The following UBR2 variants were observed in gnomAD, a reference collection of about 807,000 sequenced individuals.
The protein encoded by UBR2 is E3 ubiquitin-protein ligase UBR2.
A neutral mutation model predicts 247.9 loss-of-function variants in UBR2; 92 were observed. The ratio of observed to expected loss-of-function variants is 0.37; its 90% CI spans 0.31 to 0.44. UBR2 has a LOEUF of 0.44. UBR2 is among the 20% of genes least tolerant of loss of function. The pLI, the probability that UBR2 is intolerant of heterozygous loss-of-function variation, is 1.00. For synonymous variants in UBR2, 672 were observed against 693.5 expected, an observed-to-expected ratio of 0.97 and a Z score of 0.49; for missense variants, 1,613 against 2,112.6, an observed-to-expected ratio of 0.76 and a Z score of 4.64.
intron 21 of UBR2, 104 bp from the exon 22 acceptor site, chr6:42,648,014 G>GTATC (rs979237446): frequency 1.3e-6 from 1 of 778,108 alleles, no homozygotes; most frequent in African/African-American, 1.8e-5. Context: ...GAGATAAGGT[G>GTATC]TATCTACCTT....
At chr6:42,645,656 A>G (rs1044241779) in intron 21 of UBR2, 66 bp downstream of exon 21, 10 of 1,523,420 alleles carry the variant, frequency 6.6e-6, no homozygotes, top group Non-Finnish European at 8.1e-6. Flanking sequence ...TCTAGTATCT[A>G]TAGATTTACT....
intron 7 of UBR2, among the ~76,000 whole-genome samples, chr6:42,607,677 G>A (rs192850480): frequency 0.027 from 666 of 24,306 alleles, 42 homozygotes; most frequent in Non-Finnish European, 0.048. Context: ...ACCACTCCCA[G>A]CTGGGAGGAC....
chr6:42,602,752 C>CTGTGTG (rs1200686500), intron 4 of UBR2, among the ~76,000 whole-genome samples: 29 of 122,526 alleles, frequency 2.4e-4, no homozygotes, highest in African/African-American at 8.7e-4. Context: ...TATTTTTATG[C>CTGTGTG]TGTGTGTGCG....
intron 43 of UBR2, among the ~76,000 whole-genome samples, chr6:42,684,508 C>T (rs570838664): frequency 3.3e-5 from 5 of 151,188 alleles, no homozygotes; most frequent in South Asian, 2.1e-4. Context: ...AGCATGAACC[C>T]GGGAGGCGGA....
In UBR2 at chr6:42,689,731, C is replaced by T. The variant is rs1466682954; in HGVS notation, c.5126+61C>T. ...TGCAGCGCCCTTCCGTATGTGGTGA[C>T]GTCCTGAGGGTGGAGGGCTGAGGTG... On this transcript the variant is annotated intron_variant, in intron 46 of 46. Coordinates refer to ENST00000372901, the MANE Select transcript of UBR2 (RefSeq NM_001363705.2). This position sits in a 1 kb window ranked among gnomAD's most constrained non-coding sequence, Gnocchi z 4.0. The T allele has an allele frequency of 6.2e-6, 9 of 1,454,502 alleles. No homozygotes were observed. The highest frequency in any genetic ancestry group is 7.7e-6 in the Non-Finnish European group (8 of 1,036,026). The allele number at this position is 1,454,502 out of a possible 1,614,324, so 90.1% of individuals were successfully genotyped here. A position where few individuals can be genotyped will look rare whatever the true frequency, so the allele number is the denominator to read the frequency against.
intron 8 of UBR2, among the ~76,000 whole-genome samples, chr6:42,612,821 C>A (rs1007200065): frequency 6.6e-6 from 1 of 152,170 alleles, no homozygotes; most frequent in Non-Finnish European, 1.5e-5. Flanking sequence ...AAATTTTTGG[C>A]CAGGTGCCAT....
Position 42,666,218 on chromosome 6 carries a change from A to G in UBR2, c.3854A>G (p.Glu1285Gly), listed in dbSNP as rs572608478. 1 of 1,613,230 alleles carries G rather than the reference A, an allele frequency of 6.2e-7. No individual in the cohort carries two copies. The highest frequency in any genetic ancestry group is 2.2e-5 in the East Asian group (1 of 44,854). The change falls in exon 34 of 47, where the codon GAA (glutamate) becomes GGA (glycine). Residue 1285 changes from glutamate to glycine, a missense_variant. Glu to Gly is a moderately conservative substitution (Grantham distance 98, BLOSUM62 -2). This residue lies in a region of UBR2 where 1,524 missense variants were observed against 1,967.3 expected (regional missense o/e 0.77). Coordinates refer to ENST00000372901, the MANE Select transcript of UBR2 (RefSeq NM_001363705.2). ...AATGTGGATGAATTACAGCTCCCTG[A>G]AGGGTTCAGGCCTGATTTTCGTCCT... Reference protein sequence around the residue: ...SENVDELQLPEGFRPDFRPKI... With the variant: ...SENVDELQLPGGFRPDFRPKI...
chr6:42,645,011 A>G (rs1796673628), intron 20 of UBR2, among the ~76,000 whole-genome samples: 2 of 152,012 alleles, frequency 1.3e-5, no homozygotes, highest in Non-Finnish European at 2.9e-5. Context: ...GTCCTTTACT[A>G]CTGTTTTAGA....
chr6:42,620,496 TTTTGTTTTTG>T (rs763482080), intron 11 of UBR2: 35,047 of 145,348 alleles, frequency 0.24, 4,379 homozygotes, highest in East Asian at 0.44. Context: ...TTTTTTTTGT[TTTTGTTTTTG>T]TTTTTTTTTA....
intron 2 of UBR2, among the ~76,000 whole-genome samples, chr6:42,584,756 ATAAT>A (rs1447815713): frequency 6.6e-6 from 1 of 152,094 alleles, no homozygotes; most frequent in Non-Finnish European, 1.5e-5. Flanking sequence ...TTGTTCCTAA[ATAAT>A]TTATGATATT....
chr6:42,656,518 T>G (rs1651719642), intron 26 of UBR2, among the ~76,000 whole-genome samples: 1 of 152,232 alleles, frequency 6.6e-6, no homozygotes, highest in African/African-American at 2.4e-5. Context: ...GTACTTTCCC[T>G]GCCACAGACC....
chr6:42,684,586 AAAAAAAC>A (rs1390260129), intron 43 of UBR2, among the ~76,000 whole-genome samples: 2 of 151,982 alleles, frequency 1.3e-5, no homozygotes, highest in African/African-American at 4.8e-5. Context: ...CCGTCTCAAA[AAAAAAAC>A]AAAAAACAAA....
chr6:42,659,738 A>G lies in UBR2; in HGVS notation c.3325A>G (p.Ile1109Val). The change falls in exon 30 of 47, where the codon ATA becomes GTA. Residue 1109 changes from isoleucine to valine, a missense_variant. This residue lies in a region of UBR2 where 1,524 missense variants were observed against 1,967.3 expected (regional missense o/e 0.77). Coordinates refer to ENST00000372901, the MANE Select transcript of UBR2 (RefSeq NM_001363705.2). The surrounding 1 kb of genome is among the most constrained non-coding windows in gnomAD (Gnocchi z 4.3). ...TGAACAAAGACAATTCGTTACATGT[A>G]TATTGTGTCAAGAGGAGCAAGAAGT... ...VPEQRQFVTC[I>V]LCQEEQEVKV... 1 of 1,614,196 alleles carries G rather than the reference A, an allele frequency of 6.2e-7. No individual in the cohort carries two copies. Among genetic ancestry groups the G allele is most frequent in the Non-Finnish European group, 8.5e-7 (1 of 1,180,034 alleles).
At position 42,659,920 on chromosome 6, in the gene UBR2, T is replaced by C; in HGVS notation, c.3442+65T>C. The C allele has an allele frequency of 6.7e-7, 1 of 1,502,492 alleles. No homozygotes were observed. The highest frequency in any genetic ancestry group is 1.2e-5 in the South Asian group (1 of 85,790). 93.1% of individuals were successfully genotyped at this position (1,502,492 alleles called of 1,614,324 possible). ...AACTGCCAGTTAATGTGGTTGGTGA[T>C]ACGTTGAGATTTTTTAAACCTAAAA... On this transcript the variant is annotated intron_variant, in intron 30 of 46. Coordinates refer to ENST00000372901, the MANE Select transcript of UBR2 (RefSeq NM_001363705.2). The surrounding 1 kb of genome is among the most constrained non-coding windows in gnomAD (Gnocchi z 4.3).
In UBR2 at chr6:42,637,055, G is replaced by C. The variant is rs1015585214; in HGVS notation, c.1719G>C (p.Leu573=). The change falls in exon 15 of 47, where the codon CTG becomes CTC. Residue 573 remains leucine, a synonymous_variant. Transcript: ENST00000372901. ...IEAYKKCLAV[L]MQCHGGYTDG... is the part of the protein sequence containing the mutation. ...CTTACAAGAAATGTCTCGCTGTACT[G>C]ATGCAGTGTCATGGTGGTTATACTG... 3.1e-6 allele frequency: 5 copies of C among 1,613,846 alleles called. No homozygotes were observed. The highest frequency in any genetic ancestry group is 1.6e-4 in the Middle Eastern group (1 of 6,084).
At chr6:42,651,969 G>T in intron 23 of UBR2, 54 bp from the exon 24 acceptor site, 1 of 1,503,088 alleles carries the variant, frequency 6.7e-7, no homozygotes, top group Admixed American at 2.2e-5. Flanking sequence ...AATTAACCAG[G>T]TGTGGTGGTG....
chr6:42,621,127 A>G (rs1794974179), intron 11 of UBR2, among the ~76,000 whole-genome samples: 1 of 152,194 alleles, frequency 6.6e-6, no homozygotes, highest in Admixed American at 6.5e-5. Flanking sequence ...CCAAGGTCAC[A>G]AAGATATTCT....
chr6:42,652,188 A>G (rs1295885369), intron 24 of UBR2, 117 bp downstream of exon 24: 1 of 1,013,544 alleles, frequency 9.9e-7, no homozygotes, highest in Admixed American at 2.6e-5. Flanking sequence ...AAGCTTTCCT[A>G]GTGAATAACC....
intron 11 of UBR2, chr6:42,620,481 G>GTTGTTTTTTT: frequency 1.5e-5 from 1 of 66,682 alleles, no homozygotes; most frequent in African/African-American, 3.7e-5. Context: ...ATTAAGTGTT[G>GTTGTTTTTTT]TTTTTTTTTT....
Sources: gnomAD v4.1 joint callset for allele counts (sites outside exome capture counted in the v4.1 genomes callset) on GRCh38, gnomAD v4.1.1 for gene constraint, gnomAD v4.1.1 regional missense constraint, Gnocchi (gnomAD v3.1) non-coding constraint, MANE v1.5 for transcripts, NCBI Gene and HGNC (gene_info 2026-07-23, HGNC 2026-07-21) for gene names.